Variants in SFMBT1 observed in about 807,000 individuals in gnomAD.
SFMBT1 encodes Scm like with four mbt domains 1.
In SFMBT1, 32 loss-of-function variants were observed where a neutral mutation model predicts 108.7. That is an observed-to-expected ratio of 0.29 (90% confidence interval 0.22 to 0.40). SFMBT1 has a LOEUF of 0.40. SFMBT1 is among the 10% of genes least tolerant of loss of function. SFMBT1 has a pLI of 1.00. For synonymous variants in SFMBT1, 348 were observed against 369.5 expected (o/e 0.94, Z 0.67); for missense variants, 816 against 1,059.6 (o/e 0.77, Z 3.19).
Position 52,969,209 on chromosome 3 carries a change from C to A in SFMBT1, c.-81G>T. The A allele has an allele frequency of 6.3e-7, 1 of 1,594,290 alleles. No individual in the cohort carries two copies. On this transcript the variant is annotated 5_prime_UTR_variant, in exon 2 of 21. Coordinates refer to ENST00000394752, the MANE Select transcript of SFMBT1 (RefSeq NM_016329.4). ...TCTGCTAGGATCTGAAGATTACTTG[C>A]AGGTTTCAAGCATCTGTTCAATGGG...
In SFMBT1 at chr3:52,969,210, AG is replaced by A; in HGVS notation, c.-83del. ...CTGCTAGGATCTGAAGATTACTTGC[AG>A]GTTTCAAGCATCTGTTCAATGGGTA... On this transcript the variant is annotated 5_prime_UTR_variant, in exon 2 of 21. It removes the in-frame stop codon of an upstream open reading frame in the 5' UTR. Transcript: ENST00000394752. The A allele has an allele frequency of 1.3e-6, 2 of 1,593,708 alleles. No individual in the cohort carries two copies. The highest frequency in any genetic ancestry group is 1.7e-6 in the Non-Finnish European group (2 of 1,173,760).
At chr3:53,032,075 TTGA>T (rs1429812930) in intron 1 of SFMBT1, among the ~76,000 whole-genome samples, 2 of 152,176 alleles carry the variant, frequency 1.3e-5, no homozygotes, top group Non-Finnish European at 2.9e-5. Context: ...TGTAACAAAC[TTGA>T]TGTCCAGCCA....
At chr3:52,912,481 T>C in intron 16 of SFMBT1, 57 bp downstream of exon 16, 2 of 1,485,744 alleles carry the variant, frequency 1.3e-6, no homozygotes, top group Non-Finnish European at 9.4e-7. Context: ...CCACGCCGAT[T>C]CTGTGACTTT....
Position 52,969,830 on chromosome 3 carries a change from G to A in SFMBT1, c.-130-572C>T, listed in dbSNP as rs143689563. Reference sequence around the variant, plus strand: ...AAAAAACAGCTTTAGGGCTGGAAGCGGTGGCTCATGACTGTAATCCCAACA... The same window carrying A: ...AAAAAACAGCTTTAGGGCTGGAAGCAGTGGCTCATGACTGTAATCCCAACA... On this transcript the variant is annotated intron_variant, in intron 1 of 20. Coordinates refer to ENST00000394752, the MANE Select transcript of SFMBT1 (RefSeq NM_016329.4). Among the ~76,000 whole-genome samples, 135 of 152,158 alleles carry A rather than the reference G, an allele frequency of 8.9e-4. 1 individual carries two copies. The highest frequency in any genetic ancestry group is 2.6e-3 in the African/African-American group (109 of 41,510).
intron 1 of SFMBT1, among the ~76,000 whole-genome samples, chr3:52,974,800 A>G (rs781435316): frequency 8.8e-5 from 13 of 147,892 alleles, no homozygotes; most frequent in Non-Finnish European, 1.8e-4. Flanking sequence ...GATAAGCCTG[A>G]GCAATATGGC....
rs771969998 is a variant in SFMBT1, at chr3:52,926,126, A to C, written c.1049-13T>G. 2.4e-5 allele frequency: 39 copies of C among 1,606,740 alleles called. 1 individual carries two copies. The South Asian group carries it at 4.3e-4, about 18-fold the overall frequency. On this transcript the variant is annotated splice_polypyrimidine_tract_variant and intron_variant, in intron 9 of 20. Transcript: ENST00000394752. ...TGGCTTGGGTAGCCTAGGTGGGGAC[A>C]AATGAACAATGAGTCACACTACCAC...
chr3:52,931,480 G>A (rs1458450094), intron 6 of SFMBT1, among the ~76,000 whole-genome samples: 1 of 152,046 alleles, frequency 6.6e-6, no homozygotes, highest in Non-Finnish European at 1.5e-5. Context: ...AGTATGGGTT[G>A]GCACAGTAGT....
intron 1 of SFMBT1, among the ~76,000 whole-genome samples, chr3:53,014,891 T>C (rs1475362865): frequency 6.6e-6 from 1 of 152,074 alleles, no homozygotes. Flanking sequence ...TCAACAAATG[T>C]CATTTAAAAA....
intron 4 of SFMBT1, among the ~76,000 whole-genome samples, chr3:52,938,111 G>T (rs1008070546): frequency 6.6e-6 from 1 of 152,054 alleles, no homozygotes; most frequent in Admixed American, 6.5e-5. Context: ...CTGACAGCTG[G>T]TTTCTTTTCT....
chr3:52,929,534 C>T (rs756193132), intron 8 of SFMBT1, among the ~76,000 whole-genome samples: 4 of 152,168 alleles, frequency 2.6e-5, no homozygotes, highest in Non-Finnish European at 5.9e-5. Flanking sequence ...CCACCACACC[C>T]GGCCAAAGAG....
Position 52,934,830 on chromosome 3 carries a change from C to G in SFMBT1, c.436G>C (p.Val146Leu). Residue 146 changes from valine to leucine, a missense_variant, in exon 5 of 21, where the codon GTT becomes CTT. Physicochemically the swap from Val to Leu is conservative, Grantham distance 32. Transcript: ENST00000394752. Reference sequence around the variant, plus strand: ...ATACTCACGCCCTCTAGCAGCGGAACAGGAGGACTACATGCTCCTATCAGG... The same window carrying G: ...ATACTCACGCCCTCTAGCAGCGGAAGAGGAGGACTACATGCTCCTATCAGG... ...QTLIGACSPP[V>L]PLLEGLRNGR... 6.2e-7 allele frequency: 1 copy of G among 1,613,538 alleles called. No homozygotes were observed. The highest frequency in any genetic ancestry group is 8.5e-7 in the Non-Finnish European group (1 of 1,179,730).
rs147356222 is a variant in SFMBT1, at chr3:52,909,251, C to G, written c.1907-1518G>C. ...AAAAGGCACAATAAAATCCACATAT[C>G]TTCCCCTCACATATCTTCCTTCAGA... is the stretch of plus-strand genomic sequence containing the variant. On this transcript the variant is annotated intron_variant, in intron 17 of 20. Transcript: ENST00000394752. Among the ~76,000 whole-genome samples the G allele has an allele frequency of 9.5e-4, 145 of 152,252 alleles. 1 individual carries two copies. The highest frequency in any genetic ancestry group is 3.4e-3 in the African/African-American group (143 of 41,544).
At chr3:53,038,808 G>A (rs935734478) in intron 1 of SFMBT1, among the ~76,000 whole-genome samples, 1 of 152,226 alleles carries the variant, frequency 6.6e-6, no homozygotes, top group Admixed American at 6.5e-5. Flanking sequence ...AGAAACAAGA[G>A]TGAAATATGG....
At position 52,913,726 on chromosome 3, in the gene SFMBT1, A is replaced by G. The variant is rs1702271379; in HGVS notation, c.1481-109T>C. 7.5e-6 allele frequency: 9 copies of G among 1,194,824 alleles called. No homozygotes were observed. The South Asian group carries it at 1.4e-4, about 19-fold the overall frequency. 74.0% of individuals were successfully genotyped at this position (1,194,824 alleles called of 1,614,324 possible). On this transcript the variant is annotated intron_variant, in intron 14 of 20. Coordinates refer to ENST00000394752, the MANE Select transcript of SFMBT1 (RefSeq NM_016329.4). ...GAAGCACATGTACCATTATATTAAT[A>G]TAAAGTTTGGAATTACTTATTTTGA...
rs984325304 is a variant in SFMBT1, at chr3:53,000,063, C to T, written c.-130-30805G>A. Among the ~76,000 whole-genome samples, 14 of 149,840 alleles carry T rather than the reference C, an allele frequency of 9.3e-5. 1 individual carries two copies. The highest frequency in any genetic ancestry group is 3.9e-4 in the East Asian group (2 of 5,142). On this transcript the variant is annotated intron_variant, in intron 1 of 20. Transcript: ENST00000394752. ...ATTTTTAGTAGAGACAGGGTTTCAC[C>T]GTGTTAGCCAGGATGGTCTTGATTT...
At chr3:52,908,051 T>C (rs1292016891) in intron 17 of SFMBT1, among the ~76,000 whole-genome samples, 1 of 151,530 alleles carries the variant, frequency 6.6e-6, no homozygotes, top group Non-Finnish European at 1.5e-5. Flanking sequence ...AACCACACAG[T>C]AAGCACTTTT....
chr3:52,946,735 T>C (rs1418587112), intron 3 of SFMBT1, among the ~76,000 whole-genome samples: 3 of 152,080 alleles, frequency 2.0e-5, no homozygotes, highest in Admixed American at 2.0e-4. Flanking sequence ...TGTACCAATT[T>C]AGTTTCCCAA....
chr3:52,928,499 ACT>A (rs1415924628), intron 8 of SFMBT1, 158 bp from the exon 9 acceptor site: 4 of 701,654 alleles, frequency 5.7e-6, no homozygotes, highest in Non-Finnish European at 8.9e-6. Flanking sequence ...ACATATAATT[ACT>A]GTTTTAATTA....
chr3:52,983,116 T>G (rs1704774109), intron 1 of SFMBT1, among the ~76,000 whole-genome samples: 1 of 152,172 alleles, frequency 6.6e-6, no homozygotes, highest in South Asian at 2.1e-4. Flanking sequence ...TGCCTTCCTT[T>G]CTGCCTCCTC....
Sources: gnomAD v4.1 joint callset for allele counts (sites outside exome capture counted in the v4.1 genomes callset) on GRCh38, gnomAD v4.1.1 for gene constraint, MANE v1.5 for transcripts, NCBI Gene and HGNC (gene_info 2026-07-23, HGNC 2026-07-21) for gene names.